Variants in GRIN2A observed in about 807,000 individuals in gnomAD.
GRIN2A encodes glutamate receptor ionotropic, NMDA 2A.
A neutral mutation model predicts 113.4 loss-of-function variants in GRIN2A; 22 were observed. The observed-to-expected ratio is 0.19, with a 90% CI of 0.14 to 0.28. The LOEUF (loss-of-function observed/expected upper bound fraction) is 0.28, where lower values mean the gene tolerates loss of function less well. GRIN2A is among the 10% of genes least tolerant of loss of function. GRIN2A has a pLI of 1.00. For synonymous variants in GRIN2A, 827 were observed against 738.4 expected, an observed-to-expected ratio of 1.12 and a Z score of -1.94; for missense variants, 1,502 against 1,887.0, an observed-to-expected ratio of 0.80 and a Z score of 3.78.
At chr16:10,093,159 AAAG>A (rs1437063045) in intron 2 of GRIN2A, among the ~76,000 whole-genome samples, 1 of 152,192 alleles carries the variant, frequency 6.6e-6, no homozygotes, top group Non-Finnish European at 1.5e-5. Flanking sequence ...AACCCAGAAG[AAAG>A]AAGAGCAAGT....
At chr16:9,990,123 C>A (rs1399077317) in intron 2 of GRIN2A, among the ~76,000 whole-genome samples, 1 of 152,098 alleles carries the variant, frequency 6.6e-6, no homozygotes, top group African/African-American at 2.4e-5. Context: ...AAAGACATAG[C>A]ATCAACCCAC....
intron 2 of GRIN2A, among the ~76,000 whole-genome samples, chr16:9,980,101 C>CA (rs1021058668): frequency 4.0e-4 from 60 of 150,276 alleles, no homozygotes; most frequent in Non-Finnish European, 1.9e-4. Context: ...TCTCTACTAA[C>CA]AAAAAAAACA....
At chr16:10,156,264 A>G (rs1019572954) in intron 2 of GRIN2A, among the ~76,000 whole-genome samples, 1 of 152,260 alleles carries the variant, frequency 6.6e-6, no homozygotes, top group Non-Finnish European at 1.5e-5. Context: ...GACTCATGCC[A>G]TAATGCTGGG....
intron 10 of GRIN2A, among the ~76,000 whole-genome samples, chr16:9,819,244 G>C (rs1488781852): frequency 6.6e-6 from 1 of 152,036 alleles, no homozygotes; most frequent in East Asian, 1.9e-4. Context: ...TTTAGGCTGG[G>C]CATAGTGACT....
chr16:10,107,197 A>T (rs2048516733), intron 2 of GRIN2A, among the ~76,000 whole-genome samples: 1 of 152,180 alleles, frequency 6.6e-6, no homozygotes, highest in South Asian at 2.1e-4. Context: ...CTGTATTTGG[A>T]AGAGCTAAGC....
chr16:9,826,870 A>C (rs931830472), intron 9 of GRIN2A, among the ~76,000 whole-genome samples: 3 of 152,200 alleles, frequency 2.0e-5, no homozygotes, highest in African/African-American at 7.2e-5. Flanking sequence ...TTTAGACCCA[A>C]AACTATGTAG....
At chr16:9,965,186 C>T (rs995571336) in intron 2 of GRIN2A, among the ~76,000 whole-genome samples, 11 of 152,308 alleles carry the variant, frequency 7.2e-5, no homozygotes, top group South Asian at 4.1e-4. Context: ...CATACTCACA[C>T]GCTGGCAGAA....
chr16:9,837,944 G>T (rs1371260323), intron 7 of GRIN2A, among the ~76,000 whole-genome samples: 3 of 152,178 alleles, frequency 2.0e-5, no homozygotes, highest in Non-Finnish European at 4.4e-5. Flanking sequence ...CATTTTAACA[G>T]CTTAAATGGA....
chr16:9,837,463 C>T (rs1469478458), intron 7 of GRIN2A, among the ~76,000 whole-genome samples: 1 of 152,122 alleles, frequency 6.6e-6, no homozygotes, highest in Non-Finnish European at 1.5e-5. Context: ...ATATTCACGA[C>T]CCATTTTCAT....
chr16:9,793,433 A>T (rs919976525), intron 11 of GRIN2A, among the ~76,000 whole-genome samples: 8 of 152,082 alleles, frequency 5.3e-5, no homozygotes, highest in Non-Finnish European at 8.8e-5. Context: ...GATGGGACTT[A>T]TGGGATCCCC....
At chr16:10,059,142 G>A (rs1457757581) in intron 2 of GRIN2A, among the ~76,000 whole-genome samples, 1 of 152,200 alleles carries the variant, frequency 6.6e-6, no homozygotes, top group Non-Finnish European at 1.5e-5. Context: ...ATAGGAGACA[G>A]AGGAAATGGC....
At chr16:9,906,630 C>A (rs2044033340) in intron 3 of GRIN2A, among the ~76,000 whole-genome samples, 1 of 152,164 alleles carries the variant, frequency 6.6e-6, no homozygotes, top group Non-Finnish European at 1.5e-5. Flanking sequence ...TGAGTTCATT[C>A]CCTATCTCCT....
At chr16:9,982,375 T>C (rs1352471589) in intron 2 of GRIN2A, among the ~76,000 whole-genome samples, 1 of 152,238 alleles carries the variant, frequency 6.6e-6, no homozygotes, top group African/African-American at 2.4e-5. Flanking sequence ...AATAATTGCC[T>C]GGATCCATTA....
At chr16:9,814,432 G>C (rs2042148651) in intron 10 of GRIN2A, among the ~76,000 whole-genome samples, 1 of 152,192 alleles carries the variant, frequency 6.6e-6, no homozygotes, top group South Asian at 2.1e-4. Flanking sequence ...GATTAATTGA[G>C]ATTAGGCATA....
chr16:9,947,568 A>G (rs1412893194), intron 2 of GRIN2A, among the ~76,000 whole-genome samples: 1 of 152,230 alleles, frequency 6.6e-6, no homozygotes, highest in African/African-American at 2.4e-5. Flanking sequence ...GTCCATTTCA[A>G]AAATATCCCA....
intron 2 of GRIN2A, among the ~76,000 whole-genome samples, chr16:10,117,549 C>T (rs2048749834): frequency 6.6e-6 from 1 of 152,110 alleles, no homozygotes. Context: ...CTCTTTTACT[C>T]AAGTTTGAGG....
chr16:9,954,353 T>C (rs1287147602), intron 2 of GRIN2A, among the ~76,000 whole-genome samples: 2 of 152,184 alleles, frequency 1.3e-5, no homozygotes, highest in Admixed American at 1.3e-4. Context: ...GGTCGGCAGA[T>C]TGAGATAGAC....
chr16:9,979,716 G>C (rs1173828500), intron 2 of GRIN2A, among the ~76,000 whole-genome samples: 1 of 150,528 alleles, frequency 6.6e-6, no homozygotes, highest in East Asian at 2.0e-4. Flanking sequence ...AATATTCACA[G>C]AATGAATGAC....
chr16:10,053,582 G>A (rs759158554), intron 2 of GRIN2A, among the ~76,000 whole-genome samples: 2 of 152,186 alleles, frequency 1.3e-5, no homozygotes, highest in Non-Finnish European at 2.9e-5. Flanking sequence ...GTTCATAGGA[G>A]TTTTAGGAGG....
Sources: gnomAD v4.1 joint callset for allele counts (sites outside exome capture counted in the v4.1 genomes callset) on GRCh38, gnomAD v4.1.1 for gene constraint, MANE v1.5 for transcripts, NCBI Gene and HGNC (gene_info 2026-07-23, HGNC 2026-07-21) for gene names.